Variants in SRGAP1 observed in about 807,000 individuals in gnomAD.
SRGAP1 encodes the protein SLIT-ROBO Rho GTPase-activating protein 1.
A neutral mutation model predicts 121.9 loss-of-function variants in SRGAP1; 43 were observed. The ratio of observed to expected loss-of-function variants is 0.35; its 90% CI spans 0.28 to 0.46. SRGAP1 has a LOEUF of 0.46. Ranked by LOEUF, SRGAP1 falls within the 20% of genes least tolerant of loss-of-function variation. The pLI is 1.00. For missense variants in SRGAP1, 1,102 were observed against 1,350.9 expected (o/e 0.82, Z 2.89); for synonymous variants, 447 against 485.4 (o/e 0.92, Z 1.04).
chr12:64,025,381 T>A (rs2034631880), intron 4 of SRGAP1, among the ~76,000 whole-genome samples: 1 of 152,140 alleles, frequency 6.6e-6, no homozygotes. Context: ...TGCCACCTCA[T>A]ATCGGAAGAT....
chr12:63,888,356 G>C (rs1436250391), intron 1 of SRGAP1: 1 of 151,896 alleles, frequency 6.6e-6, no homozygotes, highest in Non-Finnish European at 1.5e-5. Flanking sequence ...TTTTCCACTT[G>C]TGTCTTTATG....
chr12:63,954,744 T>G (rs1479488890), intron 1 of SRGAP1, among the ~76,000 whole-genome samples: 1 of 151,270 alleles, frequency 6.6e-6, no homozygotes, highest in Non-Finnish European at 1.5e-5. Context: ...GGAAAAATAG[T>G]TGAGCTACAC....
Position 64,158,840 on chromosome 12 carries a change from T to G in SRGAP1, c.*16168T>G, listed in dbSNP as rs1419041328. 2.0e-5 allele frequency: 3 copies of G among 152,038 alleles called. No homozygotes were observed. The highest frequency in any genetic ancestry group is 7.2e-5 in the African/African-American group (3 of 41,498). The allele number at this position is 152,038 out of a possible 1,614,324, so 9.4% of individuals were successfully genotyped here. A position where few individuals can be genotyped will look rare whatever the true frequency, so the allele number is the denominator to read the frequency against. On this transcript the variant is annotated 3_prime_UTR_variant, in exon 22 of 22. Transcript: ENST00000355086. The stretch of plus-strand genomic sequence containing the variant: ...AATGAAAAATCCCAATGAAAATGCA[T>G]GAATATCATGTGCCTTGACAACTTA...
chr12:64,038,667 A>T (rs571565384), intron 4 of SRGAP1: 4 of 152,232 alleles, frequency 2.6e-5, no homozygotes, highest in African/African-American at 9.6e-5. Context: ...ACTTCTGTGC[A>T]AGTTATCATA....
chr12:63,922,979 G>A (rs1166648619), intron 1 of SRGAP1, among the ~76,000 whole-genome samples: 4 of 152,138 alleles, frequency 2.6e-5, no homozygotes, highest in Non-Finnish European at 4.4e-5. Flanking sequence ...ACGTTTGGTA[G>A]CATCTTCTCT....
chr12:64,129,669 T>A (rs1347592873), intron 21 of SRGAP1, among the ~76,000 whole-genome samples: 1 of 152,176 alleles, frequency 6.6e-6, no homozygotes, highest in African/African-American at 2.4e-5. Context: ...GATACAACTG[T>A]CCTTTCCTAT....
At chr12:64,132,572 G>C (rs943595440) in intron 21 of SRGAP1, among the ~76,000 whole-genome samples, 10 of 152,188 alleles carry the variant, frequency 6.6e-5, no homozygotes, top group African/African-American at 2.2e-4. Context: ...ATCTTAGAAG[G>C]AATATCTTGA....
chr12:64,097,968 A>T (rs1158588730), intron 15 of SRGAP1, among the ~76,000 whole-genome samples: 1 of 152,172 alleles, frequency 6.6e-6, no homozygotes, highest in African/African-American at 2.4e-5. Context: ...TTTTGACACT[A>T]TACAAAGGAA....
intron 6 of SRGAP1, among the ~76,000 whole-genome samples, chr12:64,058,734 G>A (rs2035389933): frequency 6.6e-6 from 1 of 151,810 alleles, no homozygotes; most frequent in Admixed American, 6.6e-5. Flanking sequence ...TAATTCATGA[G>A]CTCCATAGAA....
chr12:64,018,237 C>CTG (rs1252930594), intron 4 of SRGAP1, among the ~76,000 whole-genome samples: 3 of 152,002 alleles, frequency 2.0e-5, no homozygotes, highest in South Asian at 2.1e-4. Context: ...TACAGGCATG[C>CTG]GCCAGCATGC....
intron 1 of SRGAP1, chr12:63,888,243 T>C (rs1202370013): frequency 6.6e-6 from 1 of 152,250 alleles, no homozygotes; most frequent in Non-Finnish European, 1.5e-5. Flanking sequence ...TCACACAGCT[T>C]CCTCCGGTCT....
intron 1 of SRGAP1, among the ~76,000 whole-genome samples, chr12:63,896,535 A>G (rs368236664): frequency 1.8e-4 from 27 of 152,282 alleles, no homozygotes; most frequent in African/African-American, 6.5e-4. Context: ...TGGGTAAGAG[A>G]TTGCAGAGAA....
intron 4 of SRGAP1, among the ~76,000 whole-genome samples, chr12:64,026,939 G>A (rs1240502977): frequency 3.3e-5 from 5 of 151,970 alleles, no homozygotes; most frequent in Non-Finnish European, 5.9e-5. Context: ...GAGAGATTAA[G>A]TGATTCACTA....
intron 1 of SRGAP1, among the ~76,000 whole-genome samples, chr12:63,962,212 C>G (rs1442047342): frequency 6.6e-6 from 1 of 152,100 alleles, no homozygotes; most frequent in Non-Finnish European, 1.5e-5. Flanking sequence ...ATTGAATATT[C>G]CTTTTTCAAA....
At position 63,938,798 on chromosome 12, in the gene SRGAP1, G is replaced by A. The variant is rs576400336; in HGVS notation, c.68-45149G>A. 3.3e-5 allele frequency among the ~76,000 whole-genome samples: 5 copies of A among 151,508 alleles called. No homozygotes were observed. The South Asian group carries it at 8.4e-4, about 25-fold the overall frequency. Reference sequence around the variant, plus strand: ...AAGTTGAATGAAAATTGACCTTAAAGGCATATGGTTTGCTAATATACTTTT... The same window carrying A: ...AAGTTGAATGAAAATTGACCTTAAAAGCATATGGTTTGCTAATATACTTTT... On this transcript the variant is annotated intron_variant, in intron 1 of 21. Coordinates refer to ENST00000355086, the MANE Select transcript of SRGAP1 (RefSeq NM_020762.4).
In SRGAP1 at chr12:64,158,540, A is replaced by G. The variant is rs1396242010; in HGVS notation, c.*15868A>G. The G allele has an allele frequency of 6.6e-6, 1 of 152,198 alleles. No individual in the cohort carries two copies. Among genetic ancestry groups the G allele is most frequent in the Non-Finnish European group, 1.5e-5 (1 of 68,044 alleles). 9.4% of individuals were successfully genotyped at this position (152,198 alleles called of 1,614,324 possible). A position where few individuals can be genotyped will look rare whatever the true frequency, so the allele number is the denominator to read the frequency against. ...AAATGTAACTTCATTTAAGTCTAGT[A>G]AATAATTAGGATTATGAGGTCAGGA... On this transcript the variant is annotated 3_prime_UTR_variant, in exon 22 of 22. Coordinates refer to ENST00000355086, the MANE Select transcript of SRGAP1 (RefSeq NM_020762.4).
chr12:63,876,582 A>G (rs1042617281), intron 1 of SRGAP1, among the ~76,000 whole-genome samples: 1 of 152,228 alleles, frequency 6.6e-6, no homozygotes, highest in Non-Finnish European at 1.5e-5. Flanking sequence ...TTTAAATACT[A>G]CAAAATTCAA....
At chr12:63,901,173 C>G (rs1428872684) in intron 1 of SRGAP1, among the ~76,000 whole-genome samples, 1 of 152,096 alleles carries the variant, frequency 6.6e-6, no homozygotes, top group Non-Finnish European at 1.5e-5. Context: ...CTGGAGAAAC[C>G]TCATAGTTGC....
chr12:63,880,003 T>C (rs921808152), intron 1 of SRGAP1, among the ~76,000 whole-genome samples: 2 of 152,110 alleles, frequency 1.3e-5, no homozygotes, highest in African/African-American at 4.8e-5. Flanking sequence ...ATAATCTCCA[T>C]GTGTCATGGG....
Sources: allele counts gnomAD v4.1 joint callset (sites outside exome capture counted in the v4.1 genomes callset), GRCh38; gene constraint gnomAD v4.1.1; transcripts MANE v1.5; gene names NCBI Gene and HGNC (gene_info 2026-07-23, HGNC 2026-07-21).